The following TNPO1 variants were observed in gnomAD, a reference collection of about 807,000 sequenced individuals.
TNPO1 encodes transportin 1.
TNPO1 carries 8 observed loss-of-function variants against 119.5 expected under a neutral mutation model. That is an observed-to-expected ratio of 0.07 (90% CI 0.04 to 0.12). The LOEUF (loss-of-function observed/expected upper bound fraction) is 0.12. TNPO1 is among the 10% of genes least tolerant of loss of function. The pLI is 1.00. For synonymous variants in TNPO1, 362 were observed against 363.0 expected (o/e 1.00, Z 0.03); for missense variants, 576 against 1,089.8 (o/e 0.53, Z 6.64).
At chr5:72,851,648 C>T (rs1239089891) in intron 3 of TNPO1, among the ~76,000 whole-genome samples, 2 of 152,182 alleles carry the variant, frequency 1.3e-5, no homozygotes, top group Non-Finnish European at 2.9e-5. Context: ...TGCGCCATCA[C>T]ATCCAGCTAA....
At chr5:72,852,554 G>A (rs572468659) in intron 3 of TNPO1, among the ~76,000 whole-genome samples, 1 of 152,336 alleles carries the variant, frequency 6.6e-6, no homozygotes, top group South Asian at 2.1e-4. Context: ...AGTGATTAGT[G>A]TTTTAGAAGC....
At chr5:72,826,155 A>G (rs892340841) in intron 1 of TNPO1, among the ~76,000 whole-genome samples, 45 of 151,926 alleles carry the variant, frequency 3.0e-4, no homozygotes, top group Non-Finnish European at 5.9e-5. Flanking sequence ...AGATCTTACC[A>G]TCTATGAATA....
At position 72,911,196 on chromosome 5, in the gene TNPO1, C is replaced by A. The variant is rs1750542401; in HGVS notation, c.*2523C>A. On this transcript the variant is annotated 3_prime_UTR_variant, in exon 25 of 25. Transcript: ENST00000337273. ...ACAATCTTCAGTAAAGTTATTTGAA[C>A]CTGTGGTTGACAATTCTGTATTGAC... The A allele has an allele frequency of 6.6e-6, 1 of 151,996 alleles. No homozygotes were observed. The highest frequency in any genetic ancestry group is 1.5e-5 in the Non-Finnish European group (1 of 67,940). 9.4% of individuals were successfully genotyped at this position (151,996 alleles called of 1,614,324 possible).
chr5:72,904,756 C>G (rs556656164), intron 23 of TNPO1, among the ~76,000 whole-genome samples: 4 of 152,116 alleles, frequency 2.6e-5, no homozygotes, highest in African/African-American at 9.7e-5. Context: ...AAGATCATGC[C>G]GTTGCACTCC....
chr5:72,836,696 G>T (rs1744705975), intron 1 of TNPO1, among the ~76,000 whole-genome samples: 1 of 152,120 alleles, frequency 6.6e-6, no homozygotes, highest in Non-Finnish European at 1.5e-5. Flanking sequence ...CTTCCTTTTA[G>T]TTACAAATTC....
At chr5:72,868,243 T>C (rs913034836) in intron 6 of TNPO1, among the ~76,000 whole-genome samples, 1 of 151,842 alleles carries the variant, frequency 6.6e-6, no homozygotes, top group Admixed American at 6.6e-5. Flanking sequence ...CCATCCTTGC[T>C]AACATGGTGA....
At chr5:72,865,764 G>A in intron 6 of TNPO1, 35 bp downstream of exon 6, 1 of 1,575,352 alleles carries the variant, frequency 6.3e-7, no homozygotes, top group Non-Finnish European at 8.6e-7. Flanking sequence ...GATTAACTGT[G>A]ATATAAACCT....
intron 1 of TNPO1, among the ~76,000 whole-genome samples, chr5:72,840,109 A>T (rs1744843871): frequency 6.6e-6 from 1 of 152,202 alleles, no homozygotes. Flanking sequence ...AGAAAGGGAA[A>T]GAGTTGTATA....
intron 24 of TNPO1, among the ~76,000 whole-genome samples, chr5:72,905,915 A>T (rs1460372692): frequency 6.6e-6 from 1 of 152,142 alleles, no homozygotes; most frequent in Non-Finnish European, 1.5e-5. Context: ...AGAAAATAAA[A>T]TTACTCAAGT....
At chr5:72,870,628 CTA>C (rs1747319072) in intron 6 of TNPO1, among the ~76,000 whole-genome samples, 1 of 152,100 alleles carries the variant, frequency 6.6e-6, no homozygotes, top group Admixed American at 6.6e-5. Flanking sequence ...TGTATAGAAA[CTA>C]TATTAAACTT....
rs777547514 is a variant in TNPO1 at position 72,914,129 on chromosome 5, C to A, written c.*5456C>A. On this transcript the variant is annotated 3_prime_UTR_variant, in exon 25 of 25. Coordinates refer to ENST00000337273, the MANE Select transcript of TNPO1 (RefSeq NM_002270.4). Reference sequence around the variant, plus strand: ...GTCCTTCAAACATATCCTCCTGCAACTTCTCAAACTGTACTAAATTGATAT... The same window carrying A: ...GTCCTTCAAACATATCCTCCTGCAAATTCTCAAACTGTACTAAATTGATAT... 6.6e-6 allele frequency: 1 copy of A among 152,604 alleles called. No individual in the cohort carries two copies. Among genetic ancestry groups the A allele is most frequent in the Non-Finnish European group, 1.5e-5 (1 of 67,996 alleles). 9.5% of individuals were successfully genotyped at this position (152,604 alleles called of 1,614,324 possible).
chr5:72,899,276 C>T (rs1035221936), intron 20 of TNPO1, among the ~76,000 whole-genome samples: 8 of 152,044 alleles, frequency 5.3e-5, no homozygotes, highest in African/African-American at 1.9e-4. Context: ...TCAAACATGG[C>T]TTAAAGTTAG....
At chr5:72,900,144 C>T in intron 21 of TNPO1, 63 bp downstream of exon 21, 4 of 1,386,282 alleles carry the variant, frequency 2.9e-6, no homozygotes, top group Non-Finnish European at 4.1e-6. Flanking sequence ...CTCTATCTCA[C>T]TTTTAGATAT....
At chr5:72,886,987 C>G (rs1404620456) in intron 11 of TNPO1, 83 bp from the exon 12 acceptor site, 13 of 1,214,282 alleles carry the variant, frequency 1.1e-5, no homozygotes, top group Non-Finnish European at 1.2e-5. Flanking sequence ...ATTAGAGATA[C>G]GAATAAAATG....
At chr5:72,886,888 C>CAAAAAAAAAAAAAAAAAAAAAAAAA (rs5868651) in intron 11 of TNPO1, among the ~76,000 whole-genome samples, 182 bp from the exon 12 acceptor site, 1 of 70,376 alleles carries the variant, frequency 1.4e-5, no homozygotes. Context: ...GACTCCATCT[C>CAAAAAAAAAAAAAAAAAAAAAAAAA]AAAAAAAAAA....
rs952858643 is a variant in TNPO1, at chr5:72,911,930, A to G, written c.*3257A>G. 2 of 152,500 alleles carry G rather than the reference A, an allele frequency of 1.3e-5. No individual in the cohort carries two copies. Among genetic ancestry groups the G allele is most frequent in the African/African-American group, 2.4e-5 (1 of 41,442 alleles). The allele number at this position is 152,500 out of a possible 1,614,324, so 9.4% of individuals were successfully genotyped here. A position where few individuals can be genotyped will look rare whatever the true frequency, so the allele number is the denominator to read the frequency against. ...ACCTAAGTTGGAAACAGAAAGTGTA[A>G]TTAATATAACTTAAATGCATGTTTG... On this transcript the variant is annotated 3_prime_UTR_variant, in exon 25 of 25. Transcript: ENST00000337273.
chr5:72,888,359 A>G (rs1748806900), intron 13 of TNPO1, 56 bp downstream of exon 13: 13 of 1,460,322 alleles, frequency 8.9e-6, no homozygotes, highest in East Asian at 6.8e-5. Context: ...TTAATTTTCA[A>G]CCTTCTGATG....
In TNPO1 at chr5:72,875,608, G is replaced by A. The variant is rs780562444; in HGVS notation, c.679-7G>A. The A allele has an allele frequency of 6.2e-7, 1 of 1,609,520 alleles. No homozygotes were observed. Among genetic ancestry groups the A allele is most frequent in the Non-Finnish European group, 8.5e-7 (1 of 1,176,518 alleles). ...AAAACTAGAAAAAATTATTTCTTGTGCAACAGAATCTCTTTGCATTAGCTG... is the reference window on the plus strand; with the variant it reads ...AAAACTAGAAAAAATTATTTCTTGTACAACAGAATCTCTTTGCATTAGCTG... On this transcript the variant is annotated splice_region_variant and splice_polypyrimidine_tract_variant and intron_variant, in intron 7 of 24. Coordinates refer to ENST00000337273, the MANE Select transcript of TNPO1 (RefSeq NM_002270.4).
chr5:72,841,119 CTTTT>C (rs1193958768), intron 1 of TNPO1, among the ~76,000 whole-genome samples: 2 of 142,560 alleles, frequency 1.4e-5, no homozygotes, highest in African/African-American at 2.6e-5. Flanking sequence ...GACTCTCTCT[CTTTT>C]TTTTTTTTTT....
Sources: gnomAD v4.1 joint callset for allele counts (sites outside exome capture counted in the v4.1 genomes callset) on GRCh38, gnomAD v4.1.1 for gene constraint, MANE v1.5 for transcripts, NCBI Gene and HGNC (gene_info 2026-07-23, HGNC 2026-07-21) for gene names.